Variants in COL25A1 observed in about 807,000 individuals in gnomAD.
The protein encoded by COL25A1 is collagen type XXV alpha 1 chain, also known as collagen alpha-1(XXV) chain.
In COL25A1, 103 loss-of-function variants were observed where a neutral mutation model predicts 128.4. The ratio of observed to expected loss-of-function variants is 0.80; its 90% confidence interval spans 0.68 to 0.94. The LOEUF (loss-of-function observed/expected upper bound fraction) is 0.94. Among genes scored for constraint, COL25A1 ranks in the 40% least tolerant of loss-of-function variants. COL25A1 has a pLI of 0.00. For synonymous variants in COL25A1, 279 were observed against 277.2 expected (o/e 1.01, Z -0.06); for missense variants, 745 against 840.0 (o/e 0.89, Z 1.40).
intron 6 of COL25A1, among the ~76,000 whole-genome samples, chr4:109,005,000 C>T (rs557065919): frequency 9.9e-5 from 15 of 152,246 alleles, no homozygotes; most frequent in African/African-American, 3.6e-4. Flanking sequence ...AAAGGATGCC[C>T]AATCCCTATA....
rs138645641 is a variant in COL25A1, at chr4:108,933,008, AG to A, written c.708+4799del. Among the ~76,000 whole-genome samples, 434 of 152,342 alleles carry A rather than the reference AG, an allele frequency of 2.8e-3. 1 individual carries two copies. Among genetic ancestry groups the A allele is most frequent in the African/African-American group, 0.01 (417 of 41,584 alleles). On this transcript the variant is annotated intron_variant, in intron 11 of 37. Coordinates refer to ENST00000399132, the MANE Select transcript of COL25A1 (RefSeq NM_198721.4). ...CATCCTGAACTTCTTGGAAACCCAA[AG>A]GTCATGTTTACAGAATAGATGCATG...
intron 5 of COL25A1, among the ~76,000 whole-genome samples, chr4:109,027,786 G>C (rs1477056091): frequency 2.0e-5 from 3 of 152,082 alleles, no homozygotes; most frequent in Non-Finnish European, 2.9e-5. Flanking sequence ...AGGTTGACCA[G>C]AGCAATTAGA....
intron 3 of COL25A1, among the ~76,000 whole-genome samples, chr4:109,103,034 C>T (rs1252673734): frequency 6.6e-6 from 1 of 152,078 alleles, no homozygotes; most frequent in Non-Finnish European, 1.5e-5. Flanking sequence ...TTGGTGATTG[C>T]ACTTACCATT....
chr4:109,114,033 T>C (rs577487812), intron 3 of COL25A1, among the ~76,000 whole-genome samples: 10 of 152,206 alleles, frequency 6.6e-5, no homozygotes, highest in East Asian at 1.9e-4. Context: ...ATTGCCAATG[T>C]CCATTATCAT....
chr4:109,257,389 C>A (rs1304318161), intron 3 of COL25A1, among the ~76,000 whole-genome samples: 1 of 152,140 alleles, frequency 6.6e-6, no homozygotes, highest in Non-Finnish European at 1.5e-5. Context: ...TGCTATTCAT[C>A]TATGAAAGAT....
intron 9 of COL25A1, among the ~76,000 whole-genome samples, chr4:108,940,853 A>C (rs1210869974): frequency 6.6e-6 from 1 of 152,242 alleles, no homozygotes; most frequent in African/African-American, 2.4e-5. Flanking sequence ...AGATGCTATT[A>C]AAATCAAAGC....
rs562292972 is a variant in COL25A1 at position 108,946,293 on chromosome 4, G to A, written c.493-4856C>T. On this transcript the variant is annotated intron_variant, in intron 8 of 37. Transcript: ENST00000399132. ...AACTACTTAGAGGCCATACATTCAAGGTGTTATTGTCATTTTTATTGTTAC... is the reference window on the plus strand; with the variant it reads ...AACTACTTAGAGGCCATACATTCAAAGTGTTATTGTCATTTTTATTGTTAC... Among the ~76,000 whole-genome samples, 14 of 152,236 alleles carry A rather than the reference G, an allele frequency of 9.2e-5. No individual in the cohort carries two copies. In the South Asian group the frequency reaches 2.9e-3, roughly 32 times the overall value.
At chr4:109,279,994 A>C (rs983680509) in intron 3 of COL25A1, among the ~76,000 whole-genome samples, 3 of 152,194 alleles carry the variant, frequency 2.0e-5, no homozygotes, top group African/African-American at 7.2e-5. Flanking sequence ...GATCTAGCAA[A>C]GGGTTTACTT....
chr4:109,156,804 CA>C (rs1772080986), intron 3 of COL25A1, among the ~76,000 whole-genome samples: 1 of 152,198 alleles, frequency 6.6e-6, no homozygotes, highest in Non-Finnish European at 1.5e-5. Flanking sequence ...TTGCACTCCA[CA>C]GAGTCATTTA....
At chr4:108,983,933 C>T (rs1264720131) in intron 6 of COL25A1, among the ~76,000 whole-genome samples, 1 of 152,078 alleles carries the variant, frequency 6.6e-6, no homozygotes, top group Non-Finnish European at 1.5e-5. Flanking sequence ...GGGACCCAAG[C>T]GGGTTGCCAC....
At chr4:108,835,055 C>T (rs1217145349) in intron 31 of COL25A1, among the ~76,000 whole-genome samples, 1 of 152,130 alleles carries the variant, frequency 6.6e-6, no homozygotes, top group Non-Finnish European at 1.5e-5. Context: ...AAATAACTTC[C>T]AAACTAAATT....
chr4:109,266,352 G>A (rs1781791616), intron 3 of COL25A1, among the ~76,000 whole-genome samples: 1 of 152,130 alleles, frequency 6.6e-6, no homozygotes, highest in Non-Finnish European at 1.5e-5. Context: ...ATTATTCTCT[G>A]GAAACGATGA....
At position 108,863,354 on chromosome 4, in the gene COL25A1, C is replaced by G; in HGVS notation, c.1117G>C (p.Gly373Arg). The change falls in exon 21 of 38, where the codon GGT becomes CGT. Residue 373 changes from glycine (G) to arginine (R), a missense_variant. Physicochemically the swap from Gly to Arg is moderately radical, Grantham distance 125. Coordinates refer to ENST00000399132, the MANE Select transcript of COL25A1 (RefSeq NM_198721.4). ...GGGGCTCCAGGTTCCCCTCGCTCAC[C>G]TCTTCCAGGAGGCCCTGCTTCCCCC... The part of the protein sequence containing the change: ...ERGEAGPPGR[G>R]ERGEPGAPGP... 1.2e-6 allele frequency: 2 copies of G among 1,613,814 alleles called. No individual in the cohort carries two copies. The highest frequency in any genetic ancestry group is 1.7e-6 in the Non-Finnish European group (2 of 1,179,932).
intron 31 of COL25A1, among the ~76,000 whole-genome samples, chr4:108,835,373 C>G (rs1733651694): frequency 6.6e-6 from 1 of 151,998 alleles, no homozygotes; most frequent in Non-Finnish European, 1.5e-5. Flanking sequence ...GTCAAGATTG[C>G]AGAACTATTT....
intron 3 of COL25A1, among the ~76,000 whole-genome samples, chr4:109,297,735 G>A (rs1159187421): frequency 6.6e-6 from 1 of 151,776 alleles, no homozygotes; most frequent in African/African-American, 2.4e-5. Flanking sequence ...TCACAGCAGA[G>A]CTAAGTAGCA....
chr4:109,046,540 GTTAC>G (rs1220454461), intron 5 of COL25A1, among the ~76,000 whole-genome samples: 1 of 152,182 alleles, frequency 6.6e-6, no homozygotes, highest in Non-Finnish European at 1.5e-5. Context: ...GTAGTGGTTT[GTTAC>G]TTACTTAACA....
intron 11 of COL25A1, among the ~76,000 whole-genome samples, chr4:108,935,678 G>A (rs1405012221): frequency 1.3e-5 from 2 of 151,928 alleles, no homozygotes; most frequent in African/African-American, 2.4e-5. Context: ...TATGAAATGA[G>A]AATTGGAGCA....
chr4:109,279,547 G>T (rs1723168633), intron 3 of COL25A1, among the ~76,000 whole-genome samples: 1 of 152,080 alleles, frequency 6.6e-6, no homozygotes, highest in Non-Finnish European at 1.5e-5. Flanking sequence ...ATGCACTCCA[G>T]CTTGGGCGAC....
intron 6 of COL25A1, among the ~76,000 whole-genome samples, chr4:108,977,988 A>G (rs1752602140): frequency 6.6e-6 from 1 of 152,230 alleles, no homozygotes; most frequent in African/African-American, 2.4e-5. Flanking sequence ...GTTACACAGC[A>G]TCTTTAAGGA....
Sources: allele counts gnomAD v4.1 joint callset (sites outside exome capture counted in the v4.1 genomes callset), GRCh38; gene constraint gnomAD v4.1.1; transcripts MANE v1.5; gene names NCBI Gene and HGNC (gene_info 2026-07-23, HGNC 2026-07-21).